Variants in FCRL2 observed in about 807,000 individuals in gnomAD.
The protein encoded by FCRL2 is Fc receptor-like protein 2.
Under a neutral mutation model 59.8 loss-of-function variants are expected in FCRL2, and 48 were observed. The ratio of observed to expected loss-of-function variants is 0.80; its 90% CI spans 0.64 to 1.02. The LOEUF (loss-of-function observed/expected upper bound fraction) is 1.02, where lower values mean the gene tolerates loss of function less well. Ranked by LOEUF, FCRL2 falls within the 50% of genes least tolerant of loss-of-function variation. FCRL2 has a pLI of 0.00. For missense variants in FCRL2, 658 were observed against 597.3 expected (o/e 1.10, Z -1.06); for synonymous variants, 251 against 229.5 (o/e 1.09, Z -0.85).
chr1:157,760,469 A>G (rs1648935942), intron 7 of FCRL2, among the ~76,000 whole-genome samples: 1 of 151,784 alleles, frequency 6.6e-6, no homozygotes, highest in South Asian at 2.1e-4. Flanking sequence ...CTAAAAAAAA[A>G]ATACAAAAAT....
rs563321665 is a variant in FCRL2, at chr1:157,762,162, G to A, written c.1279+4693C>T. 1.4e-4 allele frequency among the ~76,000 whole-genome samples: 22 copies of A among 152,286 alleles called. No individual in the cohort carries two copies. The South Asian group carries it at 3.7e-3, about 26-fold the overall frequency. Reference sequence around the variant, plus strand: ...GACGGCACCTAACACTCCTCCAGGGGACCTGAGGTTGGGCTTACCAATTCT... The same window carrying A: ...GACGGCACCTAACACTCCTCCAGGGAACCTGAGGTTGGGCTTACCAATTCT... On this transcript the variant is annotated intron_variant, in intron 7 of 11. Transcript: ENST00000361516.
intron 7 of FCRL2, among the ~76,000 whole-genome samples, chr1:157,762,783 T>C (rs1457849308): frequency 3.9e-5 from 6 of 152,138 alleles, no homozygotes; most frequent in South Asian, 2.1e-4. Context: ...GAGAATGGTA[T>C]AAAATATTCA....
chr1:157,766,435 C>T (rs1423713170), intron 7 of FCRL2, among the ~76,000 whole-genome samples: 1 of 151,854 alleles, frequency 6.6e-6, no homozygotes, highest in Non-Finnish European at 1.5e-5. Flanking sequence ...CACGCCACTG[C>T]ACTCCAGCCT....
chr1:157,753,035 AACACACGTATGC>A (rs1334089320), intron 7 of FCRL2, among the ~76,000 whole-genome samples: 1 of 152,100 alleles, frequency 6.6e-6, no homozygotes, highest in Non-Finnish European at 1.5e-5. Context: ...CACACACACA[AACACACGTATGC>A]ACACACTGAC....
intron 7 of FCRL2, among the ~76,000 whole-genome samples, chr1:157,755,165 A>G (rs1022928278): frequency 2.0e-5 from 3 of 152,154 alleles, no homozygotes; most frequent in African/African-American, 7.2e-5. Flanking sequence ...GACACTTTTC[A>G]CTCTTCATAC....
intron 4 of FCRL2, chr1:157,769,542 C>T (rs779716890): frequency 4.1e-5 from 9 of 221,360 alleles, no homozygotes; most frequent in Admixed American, 2.5e-4. Flanking sequence ...TTTCTCCTGC[C>T]TCAGCCTCCC....
At chr1:157,750,163 G>A (rs10489680) in intron 7 of FCRL2, among the ~76,000 whole-genome samples, 2,710 of 152,264 alleles carry the variant, frequency 0.018, 70 homozygotes, top group African/African-American at 0.061. Context: ...TTCGTAAGGC[G>A]AACTAGGCCA....
chr1:157,748,810 T>C (rs1001038447), intron 9 of FCRL2, 65 bp downstream of exon 9: 35 of 1,501,660 alleles, frequency 2.3e-5, no homozygotes, highest in Non-Finnish European at 3.2e-5. Context: ...CCTAATGGTC[T>C]CCGCTCCTGT....
intron 10 of FCRL2, among the ~76,000 whole-genome samples, chr1:157,747,453 C>T (rs1571244199): frequency 1.3e-5 from 2 of 152,168 alleles, no homozygotes; most frequent in Admixed American, 1.3e-4. Context: ...AAAGTGACTG[C>T]ACTTTTTGAT....
At chr1:157,772,215 CT>C (rs1650075375) in intron 2 of FCRL2, among the ~76,000 whole-genome samples, 1 of 151,754 alleles carries the variant, frequency 6.6e-6, no homozygotes, top group Admixed American at 6.6e-5. Flanking sequence ...GGAAAGATTC[CT>C]GTAGAGAACA....
At chr1:157,765,078 T>C (rs1355767056) in intron 7 of FCRL2, among the ~76,000 whole-genome samples, 2 of 152,028 alleles carry the variant, frequency 1.3e-5, no homozygotes, top group Non-Finnish European at 2.9e-5. Context: ...CTAGCTAGAC[T>C]AGCCAAGAAA....
chr1:157,754,311 C>A (rs1648422133), intron 7 of FCRL2, among the ~76,000 whole-genome samples: 1 of 152,158 alleles, frequency 6.6e-6, no homozygotes, highest in African/African-American at 2.4e-5. Flanking sequence ...TAGTTGCCCT[C>A]ACTGCTACAC....
intron 7 of FCRL2, among the ~76,000 whole-genome samples, chr1:157,752,269 C>G (rs368490997): frequency 7.9e-5 from 12 of 152,278 alleles, no homozygotes; most frequent in Admixed American, 5.9e-4. Flanking sequence ...CTTTCCCGTG[C>G]TGTTCTCATG....
chr1:157,766,902 A>T lies in FCRL2; in HGVS notation c.1232T>A (p.Phe411Tyr). 5 of 1,614,208 alleles carry T rather than the reference A, an allele frequency of 3.1e-6. No individual in the cohort carries two copies. The highest frequency in any genetic ancestry group is 4.2e-6 in the Non-Finnish European group (5 of 1,180,036). The change falls in exon 7 of 12, where the codon TTC becomes TAC. Residue 411 changes from phenylalanine (F) to tyrosine (Y), a missense_variant. By Grantham distance (22) the Phe-to-Tyr change is conservative. Transcript: ENST00000361516. Reference sequence around the variant, plus strand: ...ATACAACAGCAAAGCAACACCAGTGAAACCAAGGACACCAAACAGTCCCCA... The same window carrying T: ...ATACAACAGCAAAGCAACACCAGTGTAACCAAGGACACCAAACAGTCCCCA... ...VLWGLFGVLG[F>Y]TGVALLLYAL...
At chr1:157,748,485 CT>C in intron 10 of FCRL2, 67 bp downstream of exon 10, 1 of 792,422 alleles carries the variant, frequency 1.3e-6, no homozygotes, top group Non-Finnish European at 2.0e-6. Context: ...AATAAAGCCT[CT>C]ATTGCAAACA....
At chr1:157,747,019 G>C in intron 10 of FCRL2, 120 bp from the exon 11 acceptor site, 1 of 1,065,956 alleles carries the variant, frequency 9.4e-7, no homozygotes, top group Non-Finnish European at 1.4e-6. Flanking sequence ...ATTTTCTCCT[G>C]TTCTGTAAAA....
intron 7 of FCRL2, chr1:157,766,608 A>G (rs1649514851): frequency 1.9e-6 from 1 of 513,566 alleles, no homozygotes; most frequent in Non-Finnish European, 3.3e-6. Flanking sequence ...TTAAAAGTCA[A>G]GCATGGAAAG....
At position 157,774,160 on chromosome 1, in the gene FCRL2, T is replaced by C. The variant is rs1650236077; in HGVS notation, c.52+1615A>G. Among the ~76,000 whole-genome samples, 3 of 152,316 alleles carry C rather than the reference T, an allele frequency of 2.0e-5. No homozygotes were observed. The South Asian group carries it at 6.2e-4, about 32-fold the overall frequency. On this transcript the variant is annotated intron_variant, in intron 2 of 11. Coordinates refer to ENST00000361516, the MANE Select transcript of FCRL2 (RefSeq NM_030764.4). The stretch of plus-strand genomic sequence containing the variant: ...AAAGTCCCAGGTGGTGAGTGCAGTG[T>C]ATGGGTGGGGCTGAAAAGAGGAAAT...
In FCRL2 at chr1:157,774,812, C is replaced by G. The variant is rs544179483; in HGVS notation, c.52+963G>C. ...TCTCCCTGGACACTCTTGTTCCATT[C>G]AAGGTGACAGCAGGATCTGCTTTTC... On this transcript the variant is annotated intron_variant, in intron 2 of 11. Coordinates refer to ENST00000361516, the MANE Select transcript of FCRL2 (RefSeq NM_030764.4). 3.3e-4 allele frequency among the ~76,000 whole-genome samples: 50 copies of G among 152,238 alleles called. 1 individual carries two copies. In the South Asian group the frequency reaches 7.9e-3, roughly 24 times the overall value.
Sources: gnomAD v4.1 joint callset for allele counts (sites outside exome capture counted in the v4.1 genomes callset) on GRCh38, gnomAD v4.1.1 for gene constraint, MANE v1.5 for transcripts, NCBI Gene and HGNC (gene_info 2026-07-23, HGNC 2026-07-21) for gene names.